Variants in RPL3 observed in about 807,000 individuals in gnomAD.
The protein encoded by RPL3 is ribosomal protein L3.
A neutral mutation model predicts 46.0 loss-of-function variants in RPL3; 3 were observed. The ratio of observed to expected loss-of-function variants is 0.07; its 90% CI spans 0.03 to 0.17. RPL3 has a LOEUF of 0.17. Ranked by LOEUF, RPL3 falls within the 10% of genes least tolerant of loss-of-function variation. The pLI is 1.00. For synonymous variants in RPL3, 224 were observed against 190.8 expected, an observed-to-expected ratio of 1.17 and a Z score of -1.43; for missense variants, 387 against 532.7, an observed-to-expected ratio of 0.73 and a Z score of 2.69.
At chr22:39,315,915 G>A (rs1402002645) in intron 4 of RPL3, among the ~76,000 whole-genome samples, 3 of 152,182 alleles carry the variant, frequency 2.0e-5, no homozygotes, top group Admixed American at 6.5e-5. Flanking sequence ...CTAGTGACAA[G>A]CCTGCTTTTG....
At chr22:39,317,807 T>C (rs577932127) in intron 2 of RPL3, 178 bp from the exon 3 acceptor site, 1 of 638,176 alleles carries the variant, frequency 1.6e-6, no homozygotes, top group African/African-American at 1.8e-5. Flanking sequence ...ATTTATGTTA[T>C]TCAAACAAAA....
At chr22:39,318,175 C>T (rs538999688) in intron 2 of RPL3, 1 of 529,268 alleles carries the variant, frequency 1.9e-6, no homozygotes, top group Admixed American at 3.9e-5. Flanking sequence ...GCTCTGAAAT[C>T]AATACCCCAC....
Position 39,317,495 on chromosome 22 carries a change from T to C in RPL3, c.331A>G (p.Ser111Gly). 3 of 1,614,008 alleles carry C rather than the reference T, an allele frequency of 1.9e-6. No individual in the cohort carries two copies. The highest frequency in any genetic ancestry group is 1.3e-5 in the African/African-American group (1 of 75,048). The change falls in exon 3 of 10, where the codon AGT becomes GGT. Residue 111 changes from serine to glycine, a missense_variant. By Grantham distance (56) the Ser-to-Gly change is moderately conservative. Transcript: ENST00000216146. ...TAGAAACGCCTCTTGCATTCATCAC[T>C]GATGTGCTCAGCAAAGACAGTCTTG... ...TFKTVFAEHI[S>G]DECKRRFYKN... is the part of the protein sequence containing the mutation.
At chr22:39,317,353 G>T in intron 3 of RPL3, 108 bp downstream of exon 3, 1 of 1,308,714 alleles carries the variant, frequency 7.6e-7, no homozygotes, top group Non-Finnish European at 1.1e-6. Flanking sequence ...CTAAACCCAA[G>T]ACAGCAGCTC....
chr22:39,313,841 C>G, intron 7 of RPL3, 112 bp from the exon 8 acceptor site: 1 of 1,036,628 alleles, frequency 9.6e-7, no homozygotes, highest in Non-Finnish European at 1.5e-6. Flanking sequence ...AGGAAGGCAA[C>G]AAGGAACGGT....
intron 2 of RPL3, 85 bp from the exon 3 acceptor site, chr22:39,317,714 T>A: frequency 6.5e-7 from 1 of 1,534,542 alleles, no homozygotes; most frequent in African/African-American, 1.4e-5. Context: ...AGTGCCCATT[T>A]AGGCCGGAAG....
chr22:39,313,894 G>A (rs777026963), intron 7 of RPL3, 165 bp from the exon 8 acceptor site: 2 of 852,398 alleles, frequency 2.3e-6, no homozygotes, highest in Non-Finnish European at 4.0e-6. Flanking sequence ...CACATTCCAG[G>A]CCTCATCACT....
chr22:39,316,262 A>C (rs956106249), intron 4 of RPL3, among the ~76,000 whole-genome samples: 52 of 150,592 alleles, frequency 3.5e-4, no homozygotes, highest in African/African-American at 1.2e-3. Flanking sequence ...AATGCATTTA[A>C]GCATAAAGCT....
rs746407381 is a variant in RPL3, at chr22:39,314,224, G to A, written c.850-16C>T. On this transcript the variant is annotated splice_polypyrimidine_tract_variant and intron_variant, in intron 6 of 9. Coordinates refer to ENST00000216146, the MANE Select transcript of RPL3 (RefSeq NM_000967.4). Reference sequence around the variant, plus strand: ...TCTTATAAATCTGAATGAACAAGAAGGGTGTAAGGCTGGGGCATTAGGGAC... The same window carrying A: ...TCTTATAAATCTGAATGAACAAGAAAGGTGTAAGGCTGGGGCATTAGGGAC... 19 of 1,608,028 alleles carry A rather than the reference G, an allele frequency of 1.2e-5. No homozygotes were observed. Among genetic ancestry groups the A allele is most frequent in the East Asian group, 2.2e-5 (1 of 44,862 alleles).
At position 39,315,403 on chromosome 22, in the gene RPL3, G is replaced by A. The variant is rs191390094; in HGVS notation, c.654C>T (p.Asp218=). Reference sequence around the variant, plus strand: ...CTTTGCCCTTGGTCACCCCGATGACGTCGATCATCTCATCCTGCCCAAACA... The same window carrying A: ...CTTTGCCCTTGGTCACCCCGATGACATCGATCATCTCATCCTGCCCAAACA... The part of the protein sequence containing the change: ...NQVFGQDEMI[D]VIGVTKGKGY... Residue 218 remains aspartate, a synonymous_variant, in exon 5 of 10, where the codon GAC becomes GAT. Coordinates refer to ENST00000216146, the MANE Select transcript of RPL3 (RefSeq NM_000967.4). The A allele has an allele frequency of 2.4e-5, 38 of 1,613,854 alleles. No individual in the cohort carries two copies. The highest frequency in any genetic ancestry group is 7.7e-5 in the South Asian group (7 of 91,086).
chr22:39,314,355 C>T lies in RPL3; in HGVS notation c.850-147G>A, dbSNP rs575272169. 50 of 715,124 alleles carry T rather than the reference C, an allele frequency of 7.0e-5. 2 individuals carry two copies. In the South Asian group the frequency reaches 7.3e-4, roughly 10 times the overall value. The allele number at this position is 715,124 out of a possible 1,614,324, so 44.3% of individuals were successfully genotyped here. A position where few individuals can be genotyped will look rare whatever the true frequency, so the allele number is the denominator to read the frequency against. On this transcript the variant is annotated intron_variant, in intron 6 of 9. Transcript: ENST00000216146. ...TCCCAAGGTCAGAGCAAAAAGCTGG[C>T]TGGCCCTCCAGGTTCCTTTCTGTAA...
chr22:39,319,591 A>T lies in RPL3; in HGVS notation c.3+4T>A. ...AATGAAACGGCCGCCATTACAACAC[A>T]TACCATCACGCCATCAAATCCCGCC... On this transcript the variant is annotated splice_donor_region_variant and intron_variant, in intron 1 of 9. Coordinates refer to ENST00000216146, the MANE Select transcript of RPL3 (RefSeq NM_000967.4). The T allele has an allele frequency of 2.6e-6, 4 of 1,563,118 alleles. No individual in the cohort carries two copies. The highest frequency in any genetic ancestry group is 3.5e-6 in the Non-Finnish European group (4 of 1,152,074).
chr22:39,317,114 T>G, intron 3 of RPL3: 2 of 603,856 alleles, frequency 3.3e-6, no homozygotes, highest in East Asian at 2.9e-5. Flanking sequence ...GGAAGCCCAC[T>G]CAGTGATGAA....
chr22:39,318,238 T>C, intron 2 of RPL3, 162 bp downstream of exon 2: 1 of 677,314 alleles, frequency 1.5e-6, no homozygotes, highest in East Asian at 2.9e-5. Context: ...AATATTAGTT[T>C]TCAAGTTAAG....
In RPL3 at chr22:39,314,788, G is replaced by A. The variant is rs2228648; in HGVS notation, c.747C>T (p.Arg249=). 2,707 of 1,613,752 alleles carry A rather than the reference G, an allele frequency of 1.7e-3. 14 individuals are homozygous for A. The highest frequency in any genetic ancestry group is 1.2e-3 in the Non-Finnish European group (1,457 of 1,179,988). ...GCCATGCCCCAATACAGGCCACCTT[G>A]CGCAGGCCTCGGTGGGTCTTGCGGG... ...KLPRKTHRGL[R]KVACIGAWHP... is the part of the protein sequence containing the mutation. Residue 249 remains arginine, a synonymous_variant, in exon 6 of 10, where the codon CGC becomes CGT. Coordinates refer to ENST00000216146, the MANE Select transcript of RPL3 (RefSeq NM_000967.4).
At chr22:39,319,536 C>A in intron 1 of RPL3, 59 bp downstream of exon 1, 1 of 1,554,850 alleles carries the variant, frequency 6.4e-7, no homozygotes, top group Non-Finnish European at 8.7e-7. Flanking sequence ...GGCGATGCGT[C>A]GCGGATTCAG....
intron 6 of RPL3, 143 bp downstream of exon 6, chr22:39,314,543 G>A (rs1203640437): frequency 1.9e-6 from 2 of 1,026,610 alleles, no homozygotes; most frequent in East Asian, 2.6e-5. Flanking sequence ...AGATGGGCCA[G>A]AACTGACCAT....
chr22:39,318,018 G>A (rs1922811344), intron 2 of RPL3: 1 of 345,090 alleles, frequency 2.9e-6, no homozygotes, highest in South Asian at 3.3e-5. Context: ...ACATCTCTAA[G>A]TAGAACACAC....
At chr22:39,318,312 T>G (rs1300100262) in intron 2 of RPL3, 88 bp downstream of exon 2, 5 of 1,414,494 alleles carry the variant, frequency 3.5e-6, no homozygotes, top group Non-Finnish European at 4.8e-6. Flanking sequence ...AAAAAAAGTC[T>G]GCCCTCTGCT....
Sources: gnomAD v4.1 joint callset for allele counts (sites outside exome capture counted in the v4.1 genomes callset) on GRCh38, gnomAD v4.1.1 for gene constraint, MANE v1.5 for transcripts, NCBI Gene and HGNC (gene_info 2026-07-23, HGNC 2026-07-21) for gene names.